The following PLCB4 variants were observed in gnomAD, a reference collection of about 807,000 sequenced individuals.
The protein encoded by PLCB4 is 1-phosphatidylinositol 4,5-bisphosphate phosphodiesterase beta-4.
Under a neutral mutation model 178.8 loss-of-function variants are expected in PLCB4, and 77 were observed. The ratio of observed to expected loss-of-function variants is 0.43; its 90% CI spans 0.36 to 0.52. The LOEUF (loss-of-function observed/expected upper bound fraction) is 0.52. PLCB4 is among the 20% of genes least tolerant of loss of function. The probability of loss-of-function intolerance (pLI) is 0.00; values close to 1 mark genes in which losing one functional copy is unlikely to be tolerated. For synonymous variants in PLCB4, 496 were observed against 490.8 expected (o/e 1.01, Z -0.14); for missense variants, 1,024 against 1,453.4 (o/e 0.70, Z 4.80).
chr20:9,139,026 T>C (rs1474872349), intron 2 of PLCB4, among the ~76,000 whole-genome samples: 2 of 152,094 alleles, frequency 1.3e-5, no homozygotes, highest in Non-Finnish European at 2.9e-5. Flanking sequence ...GTCTAGAAAC[T>C]TGAGGTCTCA....
At chr20:9,171,135 T>G (rs551212258) in intron 2 of PLCB4, among the ~76,000 whole-genome samples, 9 of 152,250 alleles carry the variant, frequency 5.9e-5, no homozygotes, top group Admixed American at 5.9e-4. Flanking sequence ...TTTTTTTGTG[T>G]GTGTGTGAAT....
intron 4 of PLCB4, among the ~76,000 whole-genome samples, chr20:9,324,101 G>A (rs779979161): frequency 6.6e-6 from 1 of 151,748 alleles, no homozygotes; most frequent in Non-Finnish European, 1.5e-5. Flanking sequence ...CTTAAGCCCA[G>A]GAGTTAGAGG....
chr20:9,188,061 T>C lies in PLCB4; in HGVS notation c.-78-29329T>C, dbSNP rs1434387160. On this transcript the variant is annotated intron_variant, in intron 2 of 39. Transcript: ENST00000378473. ...TCATTTCAGCAAAGAGTGACTGTTA[T>C]GTGCCAGGTATATAATATGAATTGA... Among the ~76,000 whole-genome samples, 4 of 152,260 alleles carry C rather than the reference T, an allele frequency of 2.6e-5. No individual in the cohort carries two copies. In the South Asian group the frequency reaches 6.2e-4, roughly 24 times the overall value.
At chr20:9,183,904 C>T (rs1031768555) in intron 2 of PLCB4, among the ~76,000 whole-genome samples, 4 of 151,928 alleles carry the variant, frequency 2.6e-5, no homozygotes, top group African/African-American at 4.8e-5. Flanking sequence ...TCTTTATAAC[C>T]AGAGACAAGT....
chr20:9,228,652 G>A (rs557582313), intron 3 of PLCB4, among the ~76,000 whole-genome samples: 1 of 152,224 alleles, frequency 6.6e-6, no homozygotes, highest in South Asian at 2.1e-4. Flanking sequence ...TTAGAAGTAG[G>A]TACATATGTG....
At chr20:9,096,092 C>A (rs981635161) in intron 1 of PLCB4, among the ~76,000 whole-genome samples, 195 bp from the exon 2 acceptor site, 2 of 152,018 alleles carry the variant, frequency 1.3e-5, no homozygotes, top group African/African-American at 4.8e-5. Context: ...AAAAGCAAAT[C>A]ATTGGAATTA....
At chr20:9,313,774 TACCACC>T (rs1047268100) in intron 4 of PLCB4, among the ~76,000 whole-genome samples, 2 of 152,188 alleles carry the variant, frequency 1.3e-5, no homozygotes, top group East Asian at 3.9e-4. Context: ...CTCACCGCTA[TACCACC>T]ACCACCACTG....
At chr20:9,341,901 C>A (rs544370045) in intron 7 of PLCB4, among the ~76,000 whole-genome samples, 1 of 152,264 alleles carries the variant, frequency 6.6e-6, no homozygotes, top group South Asian at 2.1e-4. Context: ...TTTGAGCCTG[C>A]TCTTACTGAA....
chr20:9,150,934 A>T (rs1195118212), intron 2 of PLCB4, among the ~76,000 whole-genome samples: 1 of 152,082 alleles, frequency 6.6e-6, no homozygotes, highest in Non-Finnish European at 1.5e-5. Context: ...GCTTGTGTTT[A>T]TGATGGGAGC....
At chr20:9,231,327 A>G (rs1001400828) in intron 3 of PLCB4, among the ~76,000 whole-genome samples, 4 of 152,114 alleles carry the variant, frequency 2.6e-5, no homozygotes, top group Non-Finnish European at 5.9e-5. Flanking sequence ...GGTCGTATGA[A>G]GCTCTTACAG....
At position 9,406,723 on chromosome 20, in the gene PLCB4, C is replaced by G. The variant is rs184270586; in HGVS notation, c.1648-1194C>G. On this transcript the variant is annotated intron_variant, in intron 21 of 39. Transcript: ENST00000378473. ...TGTTCACCAGGATGGTCTCGATCTC[C>G]TGACCTCATGATCCACCCGCCTCAG... Among the ~76,000 whole-genome samples, 351 of 152,226 alleles carry G rather than the reference C, an allele frequency of 2.3e-3. 6 individuals carry two copies. The highest frequency in any genetic ancestry group is 8.2e-3 in the African/African-American group (341 of 41,536).
chr20:9,320,392 T>A (rs1264110792), intron 4 of PLCB4, among the ~76,000 whole-genome samples: 1 of 152,208 alleles, frequency 6.6e-6, no homozygotes, highest in Non-Finnish European at 1.5e-5. Context: ...GTCACTTTCT[T>A]CTAGCCATCC....
intron 4 of PLCB4, among the ~76,000 whole-genome samples, chr20:9,330,184 C>G: frequency 6.6e-6 from 1 of 152,126 alleles, no homozygotes; most frequent in East Asian, 1.9e-4. Context: ...TTGGTTAATT[C>G]CAAACCAGAC....
chr20:9,267,326 G>C (rs2094358972), intron 3 of PLCB4, among the ~76,000 whole-genome samples: 1 of 152,086 alleles, frequency 6.6e-6, no homozygotes, highest in Non-Finnish European at 1.5e-5. Flanking sequence ...CATTTGCTGT[G>C]TGTGCCTTCA....
At chr20:9,396,360 A>C (rs891765023) in intron 19 of PLCB4, among the ~76,000 whole-genome samples, 4 of 152,262 alleles carry the variant, frequency 2.6e-5, no homozygotes, top group Non-Finnish European at 4.4e-5. Flanking sequence ...ACTAGAAACT[A>C]AAAGCCAGTA....
At chr20:9,472,423 A>G (rs184957902) in intron 36 of PLCB4, among the ~76,000 whole-genome samples, 72 of 152,106 alleles carry the variant, frequency 4.7e-4, no homozygotes, top group Middle Eastern at 3.4e-3. Flanking sequence ...ATATTAAAAC[A>G]TGGGTGAGAA....
At chr20:9,104,869 G>C (rs1165107260) in intron 2 of PLCB4, among the ~76,000 whole-genome samples, 1 of 151,784 alleles carries the variant, frequency 6.6e-6, no homozygotes, top group Non-Finnish European at 1.5e-5. Context: ...TCATCATACA[G>C]TTTAACTGTA....
intron 3 of PLCB4, among the ~76,000 whole-genome samples, chr20:9,288,826 T>G (rs2094556885): frequency 1.3e-5 from 2 of 152,176 alleles, no homozygotes; most frequent in Non-Finnish European, 2.9e-5. Flanking sequence ...AGGCATATTT[T>G]GAACAGAACA....
At chr20:9,359,731 A>G (rs1470134423) in intron 7 of PLCB4, among the ~76,000 whole-genome samples, 1 of 152,160 alleles carries the variant, frequency 6.6e-6, no homozygotes, top group African/African-American at 2.4e-5. Flanking sequence ...CCTGGACACT[A>G]TGTAGATGAT....
Sources: allele counts gnomAD v4.1 joint callset (sites outside exome capture counted in the v4.1 genomes callset), GRCh38; gene constraint gnomAD v4.1.1; transcripts MANE v1.5; gene names NCBI Gene and HGNC (gene_info 2026-07-23, HGNC 2026-07-21).